The following CTSD variants were observed in gnomAD, a reference collection of about 807,000 sequenced individuals.
CTSD encodes the protein cathepsin D, also known as ceroid-lipofuscinosis, neuronal 10.
In CTSD, 28 loss-of-function variants were observed where a neutral mutation model predicts 43.6. The ratio of observed to expected loss-of-function variants is 0.64; its 90% CI spans 0.48 to 0.88. The LOEUF (loss-of-function observed/expected upper bound fraction) is 0.88. Ranked by LOEUF, CTSD falls within the 40% of genes least tolerant of loss-of-function variation. The pLI, the probability that CTSD is intolerant of heterozygous loss-of-function variation, is 0.00. For synonymous variants in CTSD, 270 were observed against 249.8 expected (o/e 1.08, Z -0.76); for missense variants, 485 against 555.2 (o/e 0.87, Z 1.27).
intron 4 of CTSD, among the ~76,000 whole-genome samples, chr11:1,758,512 C>G (rs1027205001): frequency 6.6e-6 from 1 of 152,222 alleles, no homozygotes; most frequent in Admixed American, 6.5e-5. Flanking sequence ...TGCTGCTCCC[C>G]CTCCCTTGCC....
intron 5 of CTSD, among the ~76,000 whole-genome samples, chr11:1,756,865 G>A (rs1274061048): frequency 6.6e-6 from 1 of 152,142 alleles, no homozygotes; most frequent in Non-Finnish European, 1.5e-5. Context: ...TGGTGCCGGG[G>A]ACCCATACGC....
rs752172496 is a variant in CTSD, at chr11:1,754,021, G to C, written c.945C>G (p.Ile315Met). ...CGCCCTGAATCAGCGGCACGGCCCC[G>C]ATGGCCTTCTGCAGCTCGCGCACCT... The part of the protein sequence containing the change: ...VDEVRELQKA[I>M]GAVPLIQGEY... Residue 315 changes from isoleucine to methionine, a missense_variant, in exon 7 of 9, where the codon ATC becomes ATG. Coordinates refer to ENST00000236671, the MANE Select transcript of CTSD (RefSeq NM_001909.5). The C allele has an allele frequency of 2.2e-6, 3 of 1,391,742 alleles. No individual in the cohort carries two copies. The highest frequency in any genetic ancestry group is 2.3e-5 in the South Asian group (2 of 87,788). 86.2% of individuals were successfully genotyped at this position (1,391,742 alleles called of 1,614,324 possible).
At position 1,758,873 on chromosome 11, in the gene CTSD, G is replaced by A. The variant is rs1051914037; in HGVS notation, c.471+96C>T. ...CACCTGAGGGCTGGGGTTGGGCTGG[G>A]ATCACCGAGCCCTCCCTTTCAACCA... On this transcript the variant is annotated intron_variant, in intron 4 of 8. Coordinates refer to ENST00000236671, the MANE Select transcript of CTSD (RefSeq NM_001909.5). 3.2e-6 allele frequency: 3 copies of A among 931,582 alleles called. No individual in the cohort carries two copies. In the African/African-American group the frequency reaches 4.9e-5, roughly 15 times the overall value. 57.7% of individuals were successfully genotyped at this position (931,582 alleles called of 1,614,324 possible).
chr11:1,755,312 G>A, intron 5 of CTSD: 1 of 487,760 alleles, frequency 2.1e-6, no homozygotes, highest in East Asian at 3.9e-5. Context: ...CAGACATCAG[G>A]GTCAAGGCTA....
At chr11:1,759,862 C>G (rs1264553728) in intron 2 of CTSD, among the ~76,000 whole-genome samples, 15 of 152,352 alleles carry the variant, frequency 9.8e-5, no homozygotes, top group Non-Finnish European at 1.6e-4. Context: ...CTTGGGGTCT[C>G]TAGACCCCTG....
chr11:1,753,487 G>A lies in CTSD; in HGVS notation c.*16C>T, dbSNP rs374237114. On this transcript the variant is annotated 3_prime_UTR_variant, in exon 9 of 9. Coordinates refer to ENST00000236671, the MANE Select transcript of CTSD (RefSeq NM_001909.5). The stretch of plus-strand genomic sequence containing the variant: ...CTCTCCTCTGTTTCTGTGCTGGCGC[G>A]CGGACGCCTTGGGAACTAGAGGCGG... 1.3e-5 allele frequency: 21 copies of A among 1,612,750 alleles called. No individual in the cohort carries two copies. Among genetic ancestry groups the A allele is most frequent in the African/African-American group, 6.7e-5 (5 of 74,906 alleles).
At chr11:1,762,866 C>G (rs1845899310) in intron 1 of CTSD, 1 of 152,350 alleles carries the variant, frequency 6.6e-6, no homozygotes, top group African/African-American at 2.4e-5. Flanking sequence ...TGGTGAGGCT[C>G]AGTCCTACCC....
Position 1,754,936 on chromosome 11 carries a change from C to T in CTSD, c.797G>A (p.Arg266His), listed in dbSNP as rs755866863. 1.5e-5 allele frequency: 25 copies of T among 1,613,772 alleles called. No individual in the cohort carries two copies. In the Admixed American group the frequency reaches 3.0e-4, roughly 19 times the overall value. ...KGSLSYLNVTRKAYWQVHLDQ... is the reference protein window; with the variant it reads ...KGSLSYLNVTHKAYWQVHLDQ... ...CAGGTGGACCTGCCAGTAGGCCTTG[C>T]GGGTGACATTCAGGTAGGACAGAGA... is the stretch of plus-strand genomic sequence containing the variant. Residue 266 changes from arginine (R) to histidine (H), a missense_variant, in exon 6 of 9, where the codon CGC becomes CAC. Coordinates refer to ENST00000236671, the MANE Select transcript of CTSD (RefSeq NM_001909.5).
intron 5 of CTSD, among the ~76,000 whole-genome samples, chr11:1,756,989 C>T (rs1845817665): frequency 6.6e-6 from 1 of 152,206 alleles, no homozygotes. Context: ...TGGGGACCGA[C>T]GGGCCGACTG....
At chr11:1,754,778 C>T (rs1845789100) in intron 6 of CTSD, 128 bp downstream of exon 6, 1 of 1,171,796 alleles carries the variant, frequency 8.5e-7, no homozygotes, top group Non-Finnish European at 1.2e-6. Flanking sequence ...CTGACCCCAT[C>T]TCTTTCTTGC....
rs1845747149 is a variant in CTSD at position 1,753,117 on chromosome 11, C to A, written c.*386G>T. 3.1e-6 allele frequency: 1 copy of A among 326,882 alleles called. No individual in the cohort carries two copies. Among genetic ancestry groups the A allele is most frequent in the Non-Finnish European group, 5.9e-6 (1 of 168,718 alleles). The allele number at this position is 326,882 out of a possible 1,614,324, so 20.2% of individuals were successfully genotyped here. A position where few individuals can be genotyped will look rare whatever the true frequency, so the allele number is the denominator to read the frequency against. ...CCAAGGGAGGGCCCGGGAGGACGGCCTGGTGTGGGGTAGGGGCTCAGCCCA... is the reference window on the plus strand; with the variant it reads ...CCAAGGGAGGGCCCGGGAGGACGGCATGGTGTGGGGTAGGGGCTCAGCCCA... On this transcript the variant is annotated 3_prime_UTR_variant, in exon 9 of 9. Transcript: ENST00000236671.
At chr11:1,762,689 C>T (rs1325479475) in intron 1 of CTSD, among the ~76,000 whole-genome samples, 1 of 152,164 alleles carries the variant, frequency 6.6e-6, no homozygotes, top group Non-Finnish European at 1.5e-5. Context: ...GCTACCCTTC[C>T]CTCCAAGAAG....
intron 5 of CTSD, among the ~76,000 whole-genome samples, chr11:1,757,018 C>T (rs1045471406): frequency 2.0e-5 from 3 of 152,224 alleles, no homozygotes; most frequent in Admixed American, 6.5e-5. Flanking sequence ...GGAACTGCCA[C>T]GACCCCTGAC....
intron 1 of CTSD, 155 bp downstream of exon 1, chr11:1,763,637 G>T: frequency 1.4e-6 from 1 of 721,900 alleles, no homozygotes; most frequent in Non-Finnish European, 2.1e-6. Context: ...GGTGGTCCGT[G>T]CAGGAGGCCG....
intron 4 of CTSD, among the ~76,000 whole-genome samples, chr11:1,758,363 C>T (rs1454380821): frequency 1.3e-5 from 2 of 152,140 alleles, no homozygotes; most frequent in Non-Finnish European, 2.9e-5. Flanking sequence ...TGGTCCACCC[C>T]CAGCAGACAG....
At chr11:1,756,757 C>T (rs1845814494) in intron 5 of CTSD, among the ~76,000 whole-genome samples, 2 of 152,212 alleles carry the variant, frequency 1.3e-5, no homozygotes, top group African/African-American at 2.4e-5. Flanking sequence ...GGTGGGGGCC[C>T]TGGGGGAGAA....
chr11:1,755,107 T>C (rs370702560), intron 5 of CTSD, 79 bp from the exon 6 acceptor site: 13 of 1,559,060 alleles, frequency 8.3e-6, no homozygotes, highest in Middle Eastern at 1.7e-4. Flanking sequence ...AGAGGGTGAA[T>C]GTGGCAATCA....
intron 5 of CTSD, among the ~76,000 whole-genome samples, chr11:1,756,848 C>T (rs762557377): frequency 7.2e-5 from 11 of 152,188 alleles, no homozygotes; most frequent in African/African-American, 1.7e-4. Flanking sequence ...CAGAGCTGCT[C>T]GCAGCGTGGT....
chr11:1,763,729 G>T lies in CTSD; in HGVS notation c.68+63C>A, dbSNP rs1427981228. On this transcript the variant is annotated intron_variant, in intron 1 of 8. Coordinates refer to ENST00000236671, the MANE Select transcript of CTSD (RefSeq NM_001909.5). ...ACAGGGGAGCGCGAAAGTCACCACA[G>T]GCCCCGGGACCTCGGCGCCGCGACC... 3.5e-6 allele frequency: 5 copies of T among 1,433,450 alleles called. No individual in the cohort carries two copies. In the East Asian group the frequency reaches 1.3e-4, roughly 39 times the overall value. 88.8% of individuals were successfully genotyped at this position (1,433,450 alleles called of 1,614,324 possible). A position where few individuals can be genotyped will look rare whatever the true frequency, so the allele number is the denominator to read the frequency against.
Sources: allele counts gnomAD v4.1 joint callset (sites outside exome capture counted in the v4.1 genomes callset), GRCh38; gene constraint gnomAD v4.1.1; transcripts MANE v1.5; gene names NCBI Gene and HGNC (gene_info 2026-07-23, HGNC 2026-07-21).